LRRC28: variants seen among roughly 807,000 people sequenced by gnomAD.
LRRC28 encodes leucine-rich repeat-containing protein 28.
LRRC28 carries 39 observed loss-of-function variants against 45.7 expected under a neutral mutation model. The ratio of observed to expected loss-of-function variants is 0.85; its 90% CI spans 0.66 to 1.12. The LOEUF is 1.12. Among genes scored for constraint, LRRC28 ranks in the 50% most tolerant of loss-of-function variants. The pLI, the probability that LRRC28 is intolerant of heterozygous loss-of-function variation, is 0.00. For synonymous variants in LRRC28, 206 were observed against 178.8 expected (o/e 1.15, Z -1.22); for missense variants, 435 against 438.5 (o/e 0.99, Z 0.07).
chr15:99,361,819 C>T (rs576647548), intron 8 of LRRC28, among the ~76,000 whole-genome samples: 4 of 152,228 alleles, frequency 2.6e-5, no homozygotes, highest in East Asian at 1.9e-4. Flanking sequence ...TTGCAAAGCA[C>T]GGTGCTTAAA....
intron 9 of LRRC28, among the ~76,000 whole-genome samples, chr15:99,380,010 A>G (rs879436253): frequency 6.6e-6 from 1 of 151,706 alleles, no homozygotes; most frequent in Non-Finnish European, 1.5e-5. Context: ...AGAAGAATGT[A>G]TAGTTGATTT....
At chr15:99,358,912 T>C (rs1957122056) in intron 7 of LRRC28, among the ~76,000 whole-genome samples, 1 of 152,036 alleles carries the variant, frequency 6.6e-6, no homozygotes, top group Non-Finnish European at 1.5e-5. Flanking sequence ...ACCCCGTCTC[T>C]ACTACAAATA....
intron 3 of LRRC28, chr15:99,285,506 T>C: frequency 9.2e-7 from 1 of 1,082,700 alleles, no homozygotes; most frequent in Non-Finnish European, 1.4e-6. Context: ...TCATCGGTTG[T>C]TTCAAAGCTC....
chr15:99,289,500 A>G (rs1255682647), intron 5 of LRRC28, among the ~76,000 whole-genome samples: 2 of 152,222 alleles, frequency 1.3e-5, no homozygotes, highest in Non-Finnish European at 2.9e-5. Context: ...AAAATTATGC[A>G]TGTTAAACCC....
intron 9 of LRRC28, among the ~76,000 whole-genome samples, chr15:99,380,708 A>T (rs543665382): frequency 1.3e-5 from 2 of 152,154 alleles, no homozygotes; most frequent in Non-Finnish European, 1.5e-5. Flanking sequence ...TTCCTTCAGG[A>T]GCTCTTGTAG....
At chr15:99,309,154 T>C (rs1474957487) in intron 5 of LRRC28, among the ~76,000 whole-genome samples, 2 of 152,188 alleles carry the variant, frequency 1.3e-5, no homozygotes, top group Non-Finnish European at 2.9e-5. Flanking sequence ...TAATTAGGCT[T>C]GTTAGTGGTT....
chr15:99,349,172 GTGAAATC>G (rs1956792244), intron 6 of LRRC28, among the ~76,000 whole-genome samples: 1 of 151,704 alleles, frequency 6.6e-6, no homozygotes, highest in Admixed American at 6.6e-5. Context: ...AGTTTTTTTT[GTGAAATC>G]TTTGGGGTTT....
chr15:99,343,821 T>G (rs1007307479), intron 6 of LRRC28, among the ~76,000 whole-genome samples: 3 of 152,198 alleles, frequency 2.0e-5, no homozygotes, highest in African/African-American at 7.2e-5. Flanking sequence ...CTTAAGAATA[T>G]AAGAAACATC....
intron 9 of LRRC28, among the ~76,000 whole-genome samples, chr15:99,363,988 T>C (rs1859748181): frequency 6.6e-6 from 1 of 152,206 alleles, no homozygotes; most frequent in African/African-American, 2.4e-5. Flanking sequence ...CACCATCAAA[T>C]GTATTTCATA....
rs536670830 is a variant in LRRC28, at chr15:99,376,747, A to G, written c.1032-9283A>G. Among the ~76,000 whole-genome samples, 10 of 151,628 alleles carry G rather than the reference A, an allele frequency of 6.6e-5. No individual in the cohort carries two copies. In the East Asian group the frequency reaches 1.9e-3, roughly 30 times the overall value. ...GTGTGATGTTCCCCTTCCTGTGTCC[A>G]TGTGTTCTCATTGTTCAATTCCCAC... On this transcript the variant is annotated intron_variant, in intron 9 of 9. Coordinates refer to ENST00000301981, the MANE Select transcript of LRRC28 (RefSeq NM_144598.5).
intron 2 of LRRC28, chr15:99,258,081 T>C: frequency 4.6e-6 from 7 of 1,524,146 alleles, no homozygotes; most frequent in Non-Finnish European, 5.5e-6. Flanking sequence ...GGTGTAGGAA[T>C]GACCAGAGAA....
intron 3 of LRRC28, among the ~76,000 whole-genome samples, chr15:99,277,102 A>C (rs2081638151): frequency 6.6e-6 from 1 of 152,120 alleles, no homozygotes; most frequent in African/African-American, 2.4e-5. Context: ...TTAATGCACC[A>C]GTGTTAATTA....
At chr15:99,257,323 A>C (rs1234293932) in intron 2 of LRRC28, among the ~76,000 whole-genome samples, 1 of 152,232 alleles carries the variant, frequency 6.6e-6, no homozygotes, top group Non-Finnish European at 1.5e-5. Flanking sequence ...CCGTGCTATG[A>C]AACCATATTA....
rs867677930 is a variant in LRRC28, at chr15:99,387,187, A to C, written c.*1085A>C. ...GCCATTCTCCTGCCTCAGCCTCCCA[A>C]GTAGCTGGGACCACAGGCGCCCGCC... On this transcript the variant is annotated 3_prime_UTR_variant, in exon 10 of 10. Transcript: ENST00000301981. The C allele has an allele frequency of 7.0e-6, 1 of 143,758 alleles. No homozygotes were observed. Among genetic ancestry groups the C allele is most frequent in the African/African-American group, 2.6e-5 (1 of 38,794 alleles). The allele number at this position is 143,758 out of a possible 1,614,324, so 8.9% of individuals were successfully genotyped here. A position where few individuals can be genotyped will look rare whatever the true frequency, so the allele number is the denominator to read the frequency against.
At chr15:99,297,181 CAAA>C (rs71149459) in intron 5 of LRRC28, 10 of 103,488 alleles carry the variant, frequency 9.7e-5, no homozygotes, top group Admixed American at 2.1e-4. Flanking sequence ...AACTCTGTCT[CAAA>C]AAAAAAAAAA....
chr15:99,336,428 C>G (rs58475408), intron 6 of LRRC28, among the ~76,000 whole-genome samples: 4,142 of 152,274 alleles, frequency 0.027, 195 homozygotes, highest in African/African-American at 0.095. Flanking sequence ...GACATGGTCT[C>G]TCTACAGGGG....
intron 5 of LRRC28, among the ~76,000 whole-genome samples, chr15:99,311,921 C>T (rs1189142726): frequency 6.6e-6 from 1 of 152,032 alleles, no homozygotes; most frequent in Non-Finnish European, 1.5e-5. Context: ...AAAGTGGAAA[C>T]AGAGCTATAC....
At chr15:99,259,997 A>G in intron 2 of LRRC28, 1 of 618,104 alleles carries the variant, frequency 1.6e-6, no homozygotes, top group Non-Finnish European at 3.0e-6. Flanking sequence ...AAAGGAATCT[A>G]CAGCTGAAAA....
At chr15:99,336,541 A>G (rs2152297462) in intron 6 of LRRC28, among the ~76,000 whole-genome samples, 1 of 151,564 alleles carries the variant, frequency 6.6e-6, no homozygotes, top group East Asian at 1.9e-4. Flanking sequence ...GGCTCAAGAT[A>G]CTCCTATTGA....
Sources: gnomAD v4.1 joint callset for allele counts (sites outside exome capture counted in the v4.1 genomes callset) on GRCh38, gnomAD v4.1.1 for gene constraint, MANE v1.5 for transcripts, NCBI Gene and HGNC (gene_info 2026-07-23, HGNC 2026-07-21) for gene names.